Variants in GABRB3 observed in about 807,000 individuals in gnomAD.
GABRB3 encodes the protein gamma-aminobutyric acid type A receptor subunit beta3.
GABRB3 carries 14 observed loss-of-function variants against 52.1 expected under a neutral mutation model. The observed-to-expected ratio is 0.27, with a 90% CI of 0.18 to 0.42. The LOEUF (loss-of-function observed/expected upper bound fraction) is 0.42. GABRB3 is among the 10% of genes least tolerant of loss of function. The pLI is 1.00. For missense variants in GABRB3, 307 were observed against 609.1 expected (o/e 0.50, Z 5.22); for synonymous variants, 260 against 232.3 (o/e 1.12, Z -1.08).
intron 3 of GABRB3, among the ~76,000 whole-genome samples, chr15:26,757,199 C>G (rs1890687047): frequency 6.6e-6 from 1 of 152,102 alleles, no homozygotes; most frequent in South Asian, 2.1e-4. Context: ...CACCGTGGTT[C>G]CCTTGGGTCT....
chr15:26,628,265 A>C (rs994954305), intron 3 of GABRB3, among the ~76,000 whole-genome samples: 1 of 152,262 alleles, frequency 6.6e-6, no homozygotes, highest in Non-Finnish European at 1.5e-5. Flanking sequence ...AACCTGCAGT[A>C]TCTCTGAGGG....
chr15:26,566,513 G>A (rs1880701861), intron 7 of GABRB3, among the ~76,000 whole-genome samples: 1 of 152,156 alleles, frequency 6.6e-6, no homozygotes, highest in Non-Finnish European at 1.5e-5. Context: ...ATCGCTTGAG[G>A]CCAAGAGTTC....
chr15:26,730,203 T>C (rs1484918787), intron 3 of GABRB3, among the ~76,000 whole-genome samples: 1 of 152,180 alleles, frequency 6.6e-6, no homozygotes, highest in African/African-American at 2.4e-5. Context: ...TTATATCCCA[T>C]TTCCTGAAGC....
chr15:26,711,795 G>A (rs970981175), intron 3 of GABRB3, among the ~76,000 whole-genome samples: 5 of 152,180 alleles, frequency 3.3e-5, no homozygotes, highest in African/African-American at 1.2e-4. Context: ...ATGAAGTAGC[G>A]AACGTAATGA....
intron 4 of GABRB3, among the ~76,000 whole-genome samples, chr15:26,584,780 C>A (rs1890918753): frequency 6.6e-6 from 1 of 152,200 alleles, no homozygotes; most frequent in African/African-American, 2.4e-5. Context: ...TTATATTTTA[C>A]ACTACATATC....
intron 4 of GABRB3, among the ~76,000 whole-genome samples, chr15:26,586,071 T>C (rs1454014005): frequency 6.6e-6 from 1 of 152,148 alleles, no homozygotes; most frequent in Non-Finnish European, 1.5e-5. Flanking sequence ...CAATCTTGGC[T>C]CACTGCAAGC....
chr15:26,703,912 A>C (rs915179520), intron 3 of GABRB3, among the ~76,000 whole-genome samples: 1 of 152,138 alleles, frequency 6.6e-6, no homozygotes, highest in South Asian at 2.1e-4. Flanking sequence ...GCTCTCATAC[A>C]TTCAAGTCAA....
At chr15:26,685,814 T>C (rs1888385419) in intron 3 of GABRB3, among the ~76,000 whole-genome samples, 1 of 151,210 alleles carries the variant, frequency 6.6e-6, no homozygotes, top group East Asian at 2.0e-4. Context: ...TTTTTTTTTT[T>C]TTGCCCTAGA....
intron 3 of GABRB3, among the ~76,000 whole-genome samples, chr15:26,632,694 A>T (rs1373861854): frequency 1.3e-5 from 2 of 152,140 alleles, no homozygotes; most frequent in Non-Finnish European, 2.9e-5. Context: ...AGTGTGCTGG[A>T]GCAAAATGTG....
At chr15:26,631,684 C>T (rs192043171) in intron 3 of GABRB3, among the ~76,000 whole-genome samples, 48 of 152,282 alleles carry the variant, frequency 3.2e-4, no homozygotes, top group African/African-American at 1.1e-3. Flanking sequence ...CTGAGGGAAT[C>T]GGCACTTTTA....
intron 3 of GABRB3, among the ~76,000 whole-genome samples, chr15:26,656,607 T>A (rs1887380356): frequency 6.6e-6 from 1 of 152,202 alleles, no homozygotes; most frequent in Non-Finnish European, 1.5e-5. Flanking sequence ...CTTGGCCCCC[T>A]GTTAGATCAG....
chr15:26,734,896 A>G (rs1890026976), intron 3 of GABRB3, among the ~76,000 whole-genome samples: 1 of 152,196 alleles, frequency 6.6e-6, no homozygotes, highest in Non-Finnish European at 1.5e-5. Flanking sequence ...AGCCTGTACG[A>G]CACAGCAAGA....
chr15:26,575,184 C>T (rs183241967), intron 6 of GABRB3, among the ~76,000 whole-genome samples: 3 of 152,286 alleles, frequency 2.0e-5, no homozygotes, highest in East Asian at 1.9e-4. Flanking sequence ...AGATTTAAGG[C>T]AATGAATTTC....
chr15:26,583,408 G>A lies in GABRB3; in HGVS notation c.468C>T (p.Thr156=). The A allele has an allele frequency of 3.7e-6, 6 of 1,613,518 alleles. No homozygotes were observed. The highest frequency in any genetic ancestry group is 4.2e-6 in the Non-Finnish European group (5 of 1,179,560). Residue 156 remains threonine, a synonymous_variant, in exon 5 of 9, where the codon ACC becomes ACT. Transcript: ENST00000311550. Reference sequence around the variant, plus strand: ...GGTCCATCATGCATGCTGCTGTCGTGGTGATTCTGAAATACACAGGGTGAG... The same window carrying A: ...GGTCCATCATGCATGCTGCTGTCGTAGTGATTCTGAAATACACAGGGTGAG... ...DGTVLYGLRI[T]TTAACMMDLR...
At position 26,554,207 on chromosome 15, in the gene GABRB3, A is replaced by ATATATATATT. The variant is rs1348288306; in HGVS notation, c.1081-6074_1081-6073insAATATATATA. 1.9e-4 allele frequency among the ~76,000 whole-genome samples: 11 copies of ATATATATATT among 57,832 alleles called. 1 individual carries two copies. The highest frequency in any genetic ancestry group is 4.9e-4 in the Admixed American group (2 of 4,122). 37.9% of individuals were successfully genotyped at this position (57,832 alleles called of 152,430 possible). ...ATATATATACTATATATATATATATATAGTAGAAACAAGGTCTCTCTTTGT... is the reference window on the plus strand; with the variant it reads ...ATATATATACTATATATATATATATATATATATATTTAGTAGAAACAAGGTCTCTCTTTGT... On this transcript the variant is annotated intron_variant, in intron 8 of 8. Transcript: ENST00000311550.
At chr15:26,584,504 C>CT (rs1890907153) in intron 4 of GABRB3, among the ~76,000 whole-genome samples, 1 of 152,276 alleles carries the variant, frequency 6.6e-6, no homozygotes, top group Admixed American at 6.5e-5. Flanking sequence ...GATCATCTAT[C>CT]TTTTCAAAAC....
intron 7 of GABRB3, among the ~76,000 whole-genome samples, chr15:26,561,564 C>A (rs1889989407): frequency 6.6e-6 from 1 of 152,320 alleles, no homozygotes; most frequent in South Asian, 2.1e-4. Flanking sequence ...TAGCATAAAG[C>A]ACAAAGTGTC....
chr15:26,660,108 T>C (rs1438952152), intron 3 of GABRB3, among the ~76,000 whole-genome samples: 1 of 151,868 alleles, frequency 6.6e-6, no homozygotes, highest in African/African-American at 2.4e-5. Flanking sequence ...CACGCCCCTG[T>C]AATCCCAGCT....
At chr15:26,577,240 C>CAGTG (rs1890625156) in intron 6 of GABRB3, among the ~76,000 whole-genome samples, 1 of 152,128 alleles carries the variant, frequency 6.6e-6, no homozygotes, top group Non-Finnish European at 1.5e-5. Flanking sequence ...GGGCCAGGTG[C>CAGTG]AGTGACTCAC....
Sources: allele counts gnomAD v4.1 joint callset (sites outside exome capture counted in the v4.1 genomes callset), GRCh38; gene constraint gnomAD v4.1.1; transcripts MANE v1.5; gene names NCBI Gene and HGNC (gene_info 2026-07-23, HGNC 2026-07-21).